Variants in ACVR2B observed in about 807,000 individuals in gnomAD.
ACVR2B encodes activin A receptor type 2B, also known as activin receptor type-2B.
Under a neutral mutation model 65.1 loss-of-function variants are expected in ACVR2B, and 18 were observed. That is an observed-to-expected ratio of 0.28 (90% CI 0.19 to 0.41). The LOEUF is 0.41. Among genes scored for constraint, ACVR2B ranks in the 10% least tolerant of loss-of-function variants. ACVR2B has a pLI of 1.00. For missense variants in ACVR2B, 482 were observed against 682.7 expected (o/e 0.71, Z 3.28); for synonymous variants, 298 against 277.7 (o/e 1.07, Z -0.73).
At chr3:38,460,162 TCC>T (rs1709618546) in intron 1 of ACVR2B, among the ~76,000 whole-genome samples, 1 of 152,170 alleles carries the variant, frequency 6.6e-6, no homozygotes, top group Non-Finnish European at 1.5e-5. Context: ...GGACTTTATT[TCC>T]TTCTCAGAAT....
rs1245750317 is a variant in ACVR2B, at chr3:38,491,406, G to A, written c.*8074G>A. 1 of 152,682 alleles carries A rather than the reference G, an allele frequency of 6.5e-6. No individual in the cohort carries two copies. Among genetic ancestry groups the A allele is most frequent in the East Asian group, 1.9e-4 (1 of 5,200 alleles). 9.5% of individuals were successfully genotyped at this position (152,682 alleles called of 1,614,324 possible). On this transcript the variant is annotated 3_prime_UTR_variant, in exon 11 of 11. Transcript: ENST00000352511. ...AGTGTGTTCCCAGTGAGGGTCCCAA[G>A]TCAGTCATCTTAAGTGTTTGTTCTC... is the stretch of plus-strand genomic sequence containing the variant.
chr3:38,468,427 C>T (rs1279975374), intron 1 of ACVR2B, among the ~76,000 whole-genome samples: 2 of 152,124 alleles, frequency 1.3e-5, no homozygotes, highest in Non-Finnish European at 2.9e-5. Flanking sequence ...TGTATTCCTC[C>T]TGTTTCAGTG....
At chr3:38,466,809 ACTT>A (rs1251554099) in intron 1 of ACVR2B, among the ~76,000 whole-genome samples, 1 of 152,110 alleles carries the variant, frequency 6.6e-6, no homozygotes, top group Non-Finnish European at 1.5e-5. Flanking sequence ...GGCCTACAAA[ACTT>A]CTTAAAAAAG....
intron 1 of ACVR2B, among the ~76,000 whole-genome samples, chr3:38,460,318 T>C (rs1470097040): frequency 6.6e-6 from 1 of 152,158 alleles, no homozygotes. Flanking sequence ...TGCCTATTCC[T>C]TGTGGTCCTG....
Position 38,483,292 on chromosome 3 carries a change from T to G in ACVR2B, c.1499T>G (p.Val500Gly), listed in dbSNP as rs1422996370. The G allele has an allele frequency of 1.2e-6, 2 of 1,613,886 alleles. No homozygotes were observed. The highest frequency in any genetic ancestry group is 1.7e-6 in the Non-Finnish European group (2 of 1,180,006). The change falls in exon 11 of 11, where the codon GTC becomes GGC. Residue 500 changes from valine (V) to glycine (G), a missense_variant. Physicochemically the swap from Val to Gly is moderately radical, Grantham distance 109. This residue lies in a region of ACVR2B where 38 missense variants were observed against 29.3 expected (regional missense o/e 1.30). Coordinates refer to ENST00000352511, the MANE Select transcript of ACVR2B (RefSeq NM_001106.4). This position sits in a 1 kb window ranked among gnomAD's most constrained non-coding sequence, Gnocchi z 4.8. ...SDCLVSLVTS[V>G]TNVDLPPKES... ...TGTCTCGTTTCCCTGGTGACCTCTG[T>G]CACCAATGTGGACCTGCCCCCTAAA...
chr3:38,492,144 C>G lies in ACVR2B; in HGVS notation c.*8812C>G, dbSNP rs569525244. On this transcript the variant is annotated 3_prime_UTR_variant, in exon 11 of 11. Coordinates refer to ENST00000352511, the MANE Select transcript of ACVR2B (RefSeq NM_001106.4). ...AAAATTTGCAGGAACAGTTTTGGAA[C>G]CAACAGAAAATGTCACCTTTTATTT... is the stretch of plus-strand genomic sequence containing the variant. 6.6e-6 allele frequency: 1 copy of G among 152,540 alleles called. No homozygotes were observed. The highest frequency in any genetic ancestry group is 2.1e-4 in the South Asian group (1 of 4,826). 9.4% of individuals were successfully genotyped at this position (152,540 alleles called of 1,614,324 possible).
In ACVR2B at chr3:38,486,464, C is replaced by A. The variant is rs1040728358; in HGVS notation, c.*3132C>A. The A allele has an allele frequency of 2.6e-5, 4 of 152,304 alleles. No individual in the cohort carries two copies. The highest frequency in any genetic ancestry group is 5.9e-5 in the Non-Finnish European group (4 of 68,126). The allele number at this position is 152,304 out of a possible 1,614,324, so 9.4% of individuals were successfully genotyped here. A position where few individuals can be genotyped will look rare whatever the true frequency, so the allele number is the denominator to read the frequency against. On this transcript the variant is annotated 3_prime_UTR_variant, in exon 11 of 11. Transcript: ENST00000352511. ...ATGTGTTCTTTGAGGAGTGAGCCAT[C>A]TCGAGCCCTGCTTTGAATTTACTGG...
Position 38,492,785 on chromosome 3 carries a change from CACACACACACACACACACATACA to C in ACVR2B, c.*9454_*9476del, listed in dbSNP as rs2059821855. 2 of 52,888 alleles carry C rather than the reference CACACACACACACACACACATACA, an allele frequency of 3.8e-5. No individual in the cohort carries two copies. Among genetic ancestry groups the C allele is most frequent in the East Asian group, 6.3e-4 (1 of 1,594 alleles). The allele number at this position is 52,888 out of a possible 1,614,324, so 3.3% of individuals were successfully genotyped here. On this transcript the variant is annotated 3_prime_UTR_variant, in exon 11 of 11. Coordinates refer to ENST00000352511, the MANE Select transcript of ACVR2B (RefSeq NM_001106.4). ...ACACACACACACACACACACACACA[CACACACACACACACACACATACA>C]CCTAAAATGGCCTAAAGCAGACATC...
chr3:38,483,390 G>A lies in ACVR2B; in HGVS notation c.*58G>A, dbSNP rs1710055335. 1 of 1,589,542 alleles carries A rather than the reference G, an allele frequency of 6.3e-7. No individual in the cohort carries two copies. Among genetic ancestry groups the A allele is most frequent in the African/African-American group, 1.3e-5 (1 of 74,602 alleles). ...GGATCTGAAGAAAAAAGGAAAAAAA[G>A]TTGTGTTTTGTTTTGGAAATCCCAT... On this transcript the variant is annotated 3_prime_UTR_variant, in exon 11 of 11. Coordinates refer to ENST00000352511, the MANE Select transcript of ACVR2B (RefSeq NM_001106.4). This position sits in a 1 kb window ranked among gnomAD's most constrained non-coding sequence, Gnocchi z 4.8.
chr3:38,472,854 C>G (rs988075665), intron 1 of ACVR2B, among the ~76,000 whole-genome samples: 5 of 152,198 alleles, frequency 3.3e-5, no homozygotes, highest in Non-Finnish European at 5.9e-5. Context: ...CTTTTCTCCT[C>G]AGGGCATAGT....
At position 38,454,299 on chromosome 3, in the gene ACVR2B, G is replaced by A; in HGVS notation, c.-24G>A. 7.9e-7 allele frequency: 1 copy of A among 1,264,856 alleles called. No homozygotes were observed. The allele number at this position is 1,264,856 out of a possible 1,614,324, so 78.4% of individuals were successfully genotyped here. A position where few individuals can be genotyped will look rare whatever the true frequency, so the allele number is the denominator to read the frequency against. ...GCGGCCCTGCCCGCGGGCTCCGGGT[G>A]TGCGCGGGGCGGCGCCGCGGAACAT... is the stretch of plus-strand genomic sequence containing the variant. On this transcript the variant is annotated 5_prime_UTR_variant, in exon 1 of 11. The change creates a new upstream start codon in the 5' untranslated region. Coordinates refer to ENST00000352511, the MANE Select transcript of ACVR2B (RefSeq NM_001106.4).
chr3:38,485,032 T>C lies in ACVR2B; in HGVS notation c.*1700T>C, dbSNP rs1710090753. On this transcript the variant is annotated 3_prime_UTR_variant, in exon 11 of 11. Transcript: ENST00000352511. ...GGCCAAGTCTGGGCATTTATCAGTCTTGTTTGTGAAGGCTTTTCCTTCTGG... is the reference window on the plus strand; with the variant it reads ...GGCCAAGTCTGGGCATTTATCAGTCCTGTTTGTGAAGGCTTTTCCTTCTGG... The C allele has an allele frequency of 6.6e-6, 1 of 152,420 alleles. No individual in the cohort carries two copies. Among genetic ancestry groups the C allele is most frequent in the African/African-American group, 2.4e-5 (1 of 41,462 alleles). The allele number at this position is 152,420 out of a possible 1,614,324, so 9.4% of individuals were successfully genotyped here. A position where few individuals can be genotyped will look rare whatever the true frequency, so the allele number is the denominator to read the frequency against.
intron 8 of ACVR2B, 97 bp from the exon 9 acceptor site, chr3:38,482,101 G>C: frequency 6.4e-7 from 1 of 1,551,354 alleles, no homozygotes; most frequent in Non-Finnish European, 8.9e-7. Context: ...GCTCTGTCTT[G>C]CCCGCCATCT....
intron 1 of ACVR2B, among the ~76,000 whole-genome samples, chr3:38,465,123 G>A (rs1709707267): frequency 6.6e-6 from 1 of 152,102 alleles, no homozygotes; most frequent in African/African-American, 2.4e-5. Context: ...TTCGGGCTGG[G>A]CGCAGTGGCT....
intron 1 of ACVR2B, among the ~76,000 whole-genome samples, chr3:38,458,941 A>G (rs1250700772): frequency 6.6e-6 from 1 of 152,142 alleles, no homozygotes; most frequent in African/African-American, 2.4e-5. Flanking sequence ...TAGGATATTT[A>G]GCAGTATCCC....
intron 5 of ACVR2B, 101 bp from the exon 6 acceptor site, chr3:38,479,027 A>AGGGTGGG: frequency 6.6e-7 from 1 of 1,510,548 alleles, no homozygotes. Flanking sequence ...GGGAGGCTTG[A>AGGGTGGG]GGGTGGGGAA....
At chr3:38,466,187 A>G (rs1216850443) in intron 1 of ACVR2B, among the ~76,000 whole-genome samples, 10 of 152,226 alleles carry the variant, frequency 6.6e-5, no homozygotes, top group Admixed American at 6.5e-5. Context: ...TAGAGCGTAG[A>G]ATAGTGGTTA....
chr3:38,478,082 G>A (rs1709944090), intron 3 of ACVR2B, 59 bp from the exon 4 acceptor site: 1 of 1,604,110 alleles, frequency 6.2e-7, no homozygotes, highest in African/African-American at 1.3e-5. Context: ...CCTGTAGTCT[G>A]GCTCTGGAAG....
In ACVR2B at chr3:38,468,192, C is replaced by G. The variant is rs529863015; in HGVS notation, c.53-9095C>G. On this transcript the variant is annotated intron_variant, in intron 1 of 10. Coordinates refer to ENST00000352511, the MANE Select transcript of ACVR2B (RefSeq NM_001106.4). ...ACCATGCGGGCCTGATGTAAGAATT[C>G]TTAATAAATAAGTAAGGATGGACCT... 8.5e-5 allele frequency among the ~76,000 whole-genome samples: 13 copies of G among 152,258 alleles called. No individual in the cohort carries two copies. The South Asian group carries it at 2.5e-3, about 29-fold the overall frequency.
Sources: allele counts gnomAD v4.1 joint callset (sites outside exome capture counted in the v4.1 genomes callset), GRCh38; gene constraint gnomAD v4.1.1; regional missense constraint gnomAD v4.1.1; non-coding constraint Gnocchi (gnomAD v3.1); transcripts MANE v1.5; gene names NCBI Gene and HGNC (gene_info 2026-07-23, HGNC 2026-07-21).